The following SRD5A2 variants were observed in gnomAD, a reference collection of about 807,000 sequenced individuals.
The protein encoded by SRD5A2 is 3-oxo-5-alpha-steroid 4-dehydrogenase 2.
Under a neutral mutation model 27.4 loss-of-function variants are expected in SRD5A2, and 30 were observed. The observed-to-expected ratio is 1.10, with a 90% CI of 0.82 to 1.49. The LOEUF (loss-of-function observed/expected upper bound fraction) is 1.49. SRD5A2 is among the 40% of genes most tolerant of loss of function. SRD5A2 has a pLI of 0.00. For missense variants in SRD5A2, 348 were observed against 323.4 expected (o/e 1.08, Z -0.58); for synonymous variants, 141 against 133.6 (o/e 1.06, Z -0.38).
chr2:31,579,915 T>G (rs180707596), intron 1 of SRD5A2, among the ~76,000 whole-genome samples: 3 of 152,176 alleles, frequency 2.0e-5, no homozygotes, highest in Non-Finnish European at 4.4e-5. Context: ...AGTTACCCAC[T>G]CACATTTCAA....
At chr2:31,658,607 C>G in the SRD5A2 span, among the ~76,000 whole-genome samples, 1 of 151,280 alleles carries the variant, frequency 6.6e-6, no homozygotes, top group South Asian at 2.1e-4. Flanking sequence ...TGCACACAAA[C>G]TAAAAAACCT....
At position 31,522,908 on chromosome 2, in the gene SRD5A2, C is replaced by T. The variant is rs762730566; in HGVS notation, c.*3288G>A. On this transcript the variant is annotated 3_prime_UTR_variant, in exon 5 of 5. Coordinates refer to ENST00000622030, the MANE Select transcript of SRD5A2 (RefSeq NM_000348.4). ...CATGTGCCAAGAGCTTGCTCCCCTGCTTCTTAGTGAGATTGCCATGAGGTA... is the reference window on the plus strand; with the variant it reads ...CATGTGCCAAGAGCTTGCTCCCCTGTTTCTTAGTGAGATTGCCATGAGGTA... 1.3e-5 allele frequency: 3 copies of T among 223,446 alleles called. No homozygotes were observed. In the East Asian group the frequency reaches 1.9e-4, roughly 15 times the overall value. 13.8% of individuals were successfully genotyped at this position (223,446 alleles called of 1,614,324 possible).
the SRD5A2 span, among the ~76,000 whole-genome samples, chr2:31,658,615 C>A: frequency 6.6e-6 from 1 of 151,080 alleles, no homozygotes; most frequent in East Asian, 1.9e-4. Flanking sequence ...AACTAAAAAA[C>A]CTAGAAGAAA....
the SRD5A2 span, chr2:31,651,871 G>C: frequency 6.6e-6 from 1 of 152,496 alleles, no homozygotes; most frequent in East Asian, 1.9e-4. Context: ...ATGCCAGTAA[G>C]AGAAGTATAT....
chr2:31,581,005 C>T (rs1443879034), upstream of SRD5A2: 1 of 1,295,402 alleles, frequency 7.7e-7, no homozygotes, highest in African/African-American at 1.5e-5. Context: ...CCCCCTCGGC[C>T]TTGGCTCCCG....
At chr2:31,624,982 TAA>T in the SRD5A2 span, among the ~76,000 whole-genome samples, 3 of 152,184 alleles carry the variant, frequency 2.0e-5, no homozygotes, top group African/African-American at 7.2e-5. Context: ...ACCAACAGAG[TAA>T]AAGTGTTCCT....
At chr2:31,632,119 A>G in the SRD5A2 span, among the ~76,000 whole-genome samples, 461 of 152,250 alleles carry the variant, frequency 3.0e-3, 4 homozygotes, top group African/African-American at 0.011. Context: ...TAAAAAAAAA[A>G]ACTTCAAAAG....
At chr2:31,549,085 A>ATTATTG (rs1666325126) in intron 1 of SRD5A2, among the ~76,000 whole-genome samples, 1 of 91,568 alleles carries the variant, frequency 1.1e-5, no homozygotes, top group Admixed American at 1.0e-4. Context: ...AGAGGGAATT[A>ATTATTG]TTATTATTAT....
At chr2:31,611,929 A>G in the SRD5A2 span, among the ~76,000 whole-genome samples, 1 of 152,208 alleles carries the variant, frequency 6.6e-6, no homozygotes, top group Admixed American at 6.6e-5. Context: ...ATAGGAGAAT[A>G]GAAAAACAAG....
chr2:31,577,892 A>C (rs543470169), intron 1 of SRD5A2, among the ~76,000 whole-genome samples: 1 of 152,296 alleles, frequency 6.6e-6, no homozygotes, highest in South Asian at 2.1e-4. Flanking sequence ...ATTTAGATGC[A>C]AAAAATGTAC....
the SRD5A2 span, among the ~76,000 whole-genome samples, chr2:31,656,153 A>C: frequency 6.6e-6 from 1 of 152,226 alleles, no homozygotes. Context: ...AATAGTAGTG[A>C]AAGTTATTTT....
At chr2:31,588,696 A>C in the SRD5A2 span, among the ~76,000 whole-genome samples, 1 of 152,246 alleles carries the variant, frequency 6.6e-6, no homozygotes, top group Non-Finnish European at 1.5e-5. Flanking sequence ...AATAATAAGT[A>C]ATATGAAGAT....
the SRD5A2 span, among the ~76,000 whole-genome samples, chr2:31,630,591 C>A: frequency 6.6e-6 from 1 of 152,306 alleles, no homozygotes; most frequent in South Asian, 2.1e-4. Flanking sequence ...GGCCCAAATG[C>A]ATTCAATCTG....
chr2:31,586,673 C>T, the SRD5A2 span, among the ~76,000 whole-genome samples: 1 of 152,164 alleles, frequency 6.6e-6, no homozygotes, highest in East Asian at 1.9e-4. Context: ...ACTGCAAGAA[C>T]CATAGCATTA....
At chr2:31,648,624 T>A in the SRD5A2 span, among the ~76,000 whole-genome samples, 1 of 152,210 alleles carries the variant, frequency 6.6e-6, no homozygotes, top group Non-Finnish European at 1.5e-5. Context: ...GAGCAAAAGC[T>A]GCTTCCTCTT....
At chr2:31,600,238 G>A in the SRD5A2 span, among the ~76,000 whole-genome samples, 1 of 151,838 alleles carries the variant, frequency 6.6e-6, no homozygotes, top group Non-Finnish European at 1.5e-5. Flanking sequence ...GCCATTTGTG[G>A]GCATTTAAGT....
At chr2:31,589,748 T>A in the SRD5A2 span, among the ~76,000 whole-genome samples, 2 of 150,610 alleles carry the variant, frequency 1.3e-5, no homozygotes, top group Non-Finnish European at 3.0e-5. Flanking sequence ...AGAAACGGGG[T>A]GGGGGGCAAA....
chr2:31,538,902 C>T (rs961345804), intron 1 of SRD5A2, among the ~76,000 whole-genome samples: 3 of 152,212 alleles, frequency 2.0e-5, no homozygotes, highest in African/African-American at 7.2e-5. Flanking sequence ...TTGTTCATCA[C>T]TATATCTGCA....
the SRD5A2 span, among the ~76,000 whole-genome samples, chr2:31,632,383 G>C: frequency 6.6e-6 from 1 of 152,190 alleles, no homozygotes; most frequent in Non-Finnish European, 1.5e-5. Flanking sequence ...TGTCCAAATA[G>C]AAATAAGCCT....
Sources: gnomAD v4.1 joint callset for allele counts (sites outside exome capture counted in the v4.1 genomes callset) on GRCh38, gnomAD v4.1.1 for gene constraint, MANE v1.5 for transcripts, NCBI Gene and HGNC (gene_info 2026-07-23, HGNC 2026-07-21) for gene names.